The following GSK3B variants were observed in gnomAD, a reference collection of about 807,000 sequenced individuals.
GSK3B encodes the protein glycogen synthase kinase-3 beta.
A neutral mutation model predicts 56.4 loss-of-function variants in GSK3B; 15 were observed. That is an observed-to-expected ratio of 0.27 (90% CI 0.18 to 0.41). The LOEUF (loss-of-function observed/expected upper bound fraction) is 0.41. Ranked by LOEUF, GSK3B falls within the 10% of genes least tolerant of loss-of-function variation. GSK3B has a pLI of 1.00. For missense variants in GSK3B, 300 were observed against 513.4 expected, an observed-to-expected ratio of 0.58 and a Z score of 4.02; for synonymous variants, 181 against 188.9, an observed-to-expected ratio of 0.96 and a Z score of 0.34.
intron 2 of GSK3B, among the ~76,000 whole-genome samples, chr3:119,955,403 G>T (rs2057203849): frequency 6.6e-6 from 1 of 152,098 alleles, no homozygotes; most frequent in Admixed American, 6.6e-5. Context: ...GGGGCCCTGA[G>T]AATACAAAAA....
In GSK3B at chr3:120,093,639, C is replaced by G. The variant is rs908013343; in HGVS notation, c.-205G>C. The G allele has an allele frequency of 6.4e-6, 3 of 467,804 alleles. No individual in the cohort carries two copies. Among genetic ancestry groups the G allele is most frequent in the Non-Finnish European group, 1.2e-5 (3 of 258,580 alleles). The allele number at this position is 467,804 out of a possible 1,614,324, so 29.0% of individuals were successfully genotyped here. ...GATATATTTCTCCTTCAAGACAGAT[C>G]GGCACGGATATTTAACATATAGATG... On this transcript the variant is annotated 5_prime_UTR_variant, in exon 1 of 11. Coordinates refer to ENST00000264235, the MANE Select transcript of GSK3B (RefSeq NM_001146156.2).
At chr3:119,968,080 C>T (rs1273941886) in intron 2 of GSK3B, among the ~76,000 whole-genome samples, 1 of 152,202 alleles carries the variant, frequency 6.6e-6, no homozygotes, top group Non-Finnish European at 1.5e-5. Context: ...TGGTCTCCAT[C>T]TCTTGACCCT....
chr3:119,941,076 C>T (rs2057044450), intron 3 of GSK3B, among the ~76,000 whole-genome samples: 1 of 147,846 alleles, frequency 6.8e-6, no homozygotes, highest in Non-Finnish European at 1.5e-5. Flanking sequence ...AGTGCAATGG[C>T]TCGATCTCGG....
intron 2 of GSK3B, among the ~76,000 whole-genome samples, chr3:119,953,441 C>G (rs1208680245): frequency 1.3e-5 from 2 of 151,108 alleles, no homozygotes; most frequent in Non-Finnish European, 3.0e-5. Context: ...GGAATTAATA[C>G]TTTAGATTCA....
In GSK3B at chr3:119,925,159, T is replaced by C. The variant is rs111659907; in HGVS notation, c.367-1676A>G. ...GCCTGGGCAACATGGCAAAACCCCATCTCTACAAAAAATACAAAAATTAGC... is the reference window on the plus strand; with the variant it reads ...GCCTGGGCAACATGGCAAAACCCCACCTCTACAAAAAATACAAAAATTAGC... On this transcript the variant is annotated intron_variant, in intron 3 of 10. Transcript: ENST00000264235. 4.5e-3 allele frequency among the ~76,000 whole-genome samples: 686 copies of C among 152,182 alleles called. 6 individuals are homozygous for C. The highest frequency in any genetic ancestry group is 0.016 in the African/African-American group (662 of 41,520).
At chr3:120,055,050 T>C (rs547469554) in intron 1 of GSK3B, among the ~76,000 whole-genome samples, 24 of 152,308 alleles carry the variant, frequency 1.6e-4, no homozygotes, top group African/African-American at 5.1e-4. Flanking sequence ...ATCAATTCCC[T>C]TTCCTTCATT....
At chr3:119,960,188 G>A (rs1469335143) in intron 2 of GSK3B, among the ~76,000 whole-genome samples, 2 of 144,300 alleles carry the variant, frequency 1.4e-5, no homozygotes, top group African/African-American at 5.1e-5. Context: ...AGCCCAAAAG[G>A]TTACATACTG....
intron 4 of GSK3B, among the ~76,000 whole-genome samples, chr3:119,922,681 A>G (rs143399240): frequency 2.6e-5 from 4 of 151,882 alleles, no homozygotes; most frequent in Non-Finnish European, 5.9e-5. Context: ...ATGACATTTT[A>G]TTTTCTACAG....
Position 119,935,737 on chromosome 3 carries a change from T to C in GSK3B, c.366+11531A>G, listed in dbSNP as rs1380145860. On this transcript the variant is annotated intron_variant, in intron 3 of 10. Transcript: ENST00000264235. ...CAGAAGCAGAGGGAATACTTCTCAA[T>C]GTCATTCTATGAAGCCAGTATTACC... Among the ~76,000 whole-genome samples the C allele has an allele frequency of 2.0e-5, 3 of 152,150 alleles. No individual in the cohort carries two copies. In the East Asian group the frequency reaches 5.8e-4, roughly 29 times the overall value.
At position 120,047,838 on chromosome 3, in the gene GSK3B, T is replaced by A. The variant is rs75129842; in HGVS notation, c.88+45509A>T. ...GACACATGAAAGCCTTCTGGAATAATGATGAAGATGTTCTGTACTTAACTT... is the reference window on the plus strand; with the variant it reads ...GACACATGAAAGCCTTCTGGAATAAAGATGAAGATGTTCTGTACTTAACTT... On this transcript the variant is annotated intron_variant, in intron 1 of 10. Coordinates refer to ENST00000264235, the MANE Select transcript of GSK3B (RefSeq NM_001146156.2). 3.7e-3 allele frequency among the ~76,000 whole-genome samples: 560 copies of A among 152,298 alleles called. 5 individuals carry two copies. The highest frequency in any genetic ancestry group is 0.013 in the African/African-American group (549 of 41,580).
chr3:120,062,664 A>G (rs1013364233), intron 1 of GSK3B, among the ~76,000 whole-genome samples: 2 of 152,206 alleles, frequency 1.3e-5, no homozygotes, highest in African/African-American at 4.8e-5. Flanking sequence ...AAGAATGAGG[A>G]GGTAGTCGCT....
chr3:120,034,158 T>G (rs1032925954), intron 1 of GSK3B, among the ~76,000 whole-genome samples: 8 of 152,230 alleles, frequency 5.3e-5, no homozygotes, highest in African/African-American at 1.9e-4. Flanking sequence ...AATTTGCAAG[T>G]ATTTTCCCTT....
chr3:120,041,254 AGCTG>A (rs2058062883), intron 1 of GSK3B: 1 of 249,734 alleles, frequency 4.0e-6, no homozygotes, highest in South Asian at 5.1e-5. Flanking sequence ...GGCTCCAAGC[AGCTG>A]GGCATCCCTG....
chr3:119,839,324 G>A (rs1296188211), intron 10 of GSK3B, among the ~76,000 whole-genome samples: 3 of 152,150 alleles, frequency 2.0e-5, no homozygotes, highest in Non-Finnish European at 4.4e-5. Flanking sequence ...CCATAATATA[G>A]TCAGTATGAT....
intron 1 of GSK3B, among the ~76,000 whole-genome samples, chr3:120,052,585 T>G (rs367980225): frequency 1.3e-5 from 2 of 152,348 alleles, no homozygotes; most frequent in East Asian, 1.9e-4. Flanking sequence ...CCTAAACCAC[T>G]GTTAACAATC....
At chr3:119,912,662 G>C (rs780310990) in intron 6 of GSK3B, 42 bp downstream of exon 6, 1 of 856,822 alleles carries the variant, frequency 1.2e-6, no homozygotes, top group Non-Finnish European at 1.9e-6. Context: ...AAATCAAGAA[G>C]CAATTAATAA....
intron 9 of GSK3B, among the ~76,000 whole-genome samples, chr3:119,849,631 G>C (rs1315650093): frequency 6.6e-6 from 1 of 152,032 alleles, no homozygotes; most frequent in Non-Finnish European, 1.5e-5. Context: ...GAAGGCCACA[G>C]CAGTTTTGTG....
chr3:119,947,255 G>A lies in GSK3B; in HGVS notation c.366+13C>T. 1 of 1,389,462 alleles carries A rather than the reference G, an allele frequency of 7.2e-7. No homozygotes were observed. The highest frequency in any genetic ancestry group is 1.2e-5 in the South Asian group (1 of 86,460). 86.1% of individuals were successfully genotyped at this position (1,389,462 alleles called of 1,614,324 possible). ...TATCACAATATTCAGTACACACTTT[G>A]TGTCAAACCTACCTTCTCACCACTG... On this transcript the variant is annotated intron_variant, in intron 3 of 10. Coordinates refer to ENST00000264235, the MANE Select transcript of GSK3B (RefSeq NM_001146156.2).
chr3:120,016,408 C>G (rs1262751731), intron 1 of GSK3B, among the ~76,000 whole-genome samples: 1 of 152,120 alleles, frequency 6.6e-6, no homozygotes, highest in Admixed American at 6.6e-5. Flanking sequence ...GGAAAATTTA[C>G]GGTGTTCAAA....
Sources: allele counts gnomAD v4.1 joint callset (sites outside exome capture counted in the v4.1 genomes callset), GRCh38; gene constraint gnomAD v4.1.1; transcripts MANE v1.5; gene names NCBI Gene and HGNC (gene_info 2026-07-23, HGNC 2026-07-21).